PHTF2: variants seen among roughly 807,000 people sequenced by gnomAD.
PHTF2 encodes protein PHTF2.
PHTF2 carries 60 observed loss-of-function variants against 101.2 expected under a neutral mutation model. The observed-to-expected ratio is 0.59, with a 90% CI of 0.48 to 0.73. The LOEUF (loss-of-function observed/expected upper bound fraction) is 0.73. Ranked by LOEUF, PHTF2 falls within the 30% of genes least tolerant of loss-of-function variation. The pLI, the probability that PHTF2 is intolerant of heterozygous loss-of-function variation, is 0.00. For synonymous variants in PHTF2, 311 were observed against 307.3 expected (o/e 1.01, Z -0.13); for missense variants, 747 against 908.7 (o/e 0.82, Z 2.29).
At chr7:77,860,896 G>A (rs891598662) in intron 3 of PHTF2, among the ~76,000 whole-genome samples, 1 of 152,040 alleles carries the variant, frequency 6.6e-6, no homozygotes, top group Non-Finnish European at 1.5e-5. Context: ...TAGTGATGGG[G>A]TCTCACTCTG....
At chr7:77,899,276 G>A (rs1801161223) in intron 5 of PHTF2, among the ~76,000 whole-genome samples, 1 of 151,910 alleles carries the variant, frequency 6.6e-6, no homozygotes, top group East Asian at 1.9e-4. Flanking sequence ...ACTGTTTACA[G>A]TAATCAGAGC....
chr7:77,916,110 T>C (rs1802897284), intron 9 of PHTF2, among the ~76,000 whole-genome samples: 3 of 152,166 alleles, frequency 2.0e-5, no homozygotes, highest in Admixed American at 1.3e-4. Context: ...GTGATTTCAG[T>C]ATATATGTTT....
intron 6 of PHTF2, 87 bp from the exon 6 acceptor site, chr7:77,901,675 G>A (rs1036756623): frequency 6.3e-6 from 4 of 631,102 alleles, no homozygotes; most frequent in Non-Finnish European, 7.2e-6. Context: ...ATGTGGTGAT[G>A]TTTTTCAAAC....
At chr7:77,867,215 C>T (rs1469167757) in intron 3 of PHTF2, among the ~76,000 whole-genome samples, 1 of 152,126 alleles carries the variant, frequency 6.6e-6, no homozygotes. Context: ...AGATAGCCCA[C>T]AGAAGGTAAT....
intron 2 of PHTF2, among the ~76,000 whole-genome samples, chr7:77,854,471 A>G (rs1270549974): frequency 6.6e-6 from 1 of 152,054 alleles, no homozygotes; most frequent in Non-Finnish European, 1.5e-5. Context: ...ACATTCACTC[A>G]AGGCCCAAGA....
intron 1 of PHTF2, among the ~76,000 whole-genome samples, chr7:77,822,495 C>T (rs10248334): frequency 0.58 from 87,892 of 152,020 alleles, 27,524 homozygotes; most frequent in African/African-American, 0.83. Context: ...TCTGGGGCAG[C>T]GCAGCTGCAT....
intron 3 of PHTF2, among the ~76,000 whole-genome samples, 178 bp from the exon 3 acceptor site, chr7:77,893,430 T>C (rs1377127528): frequency 6.6e-6 from 1 of 152,164 alleles, no homozygotes; most frequent in Non-Finnish European, 1.5e-5. Context: ...GTACTACTGG[T>C]CCTGAAATCA....
intron 2 of PHTF2, among the ~76,000 whole-genome samples, chr7:77,849,952 C>T (rs1041124461): frequency 6.6e-6 from 1 of 152,138 alleles, no homozygotes; most frequent in East Asian, 1.9e-4. Context: ...CATCTGTAAA[C>T]AAGGATAATT....
At chr7:77,874,583 CA>C (rs999998177) in intron 3 of PHTF2, among the ~76,000 whole-genome samples, 1 of 152,114 alleles carries the variant, frequency 6.6e-6, no homozygotes, top group Admixed American at 6.6e-5. Flanking sequence ...GAAGCTAGGC[CA>C]GTCTCTCTAT....
intron 6 of PHTF2, among the ~76,000 whole-genome samples, chr7:77,901,380 T>G (rs1801375264): frequency 6.6e-6 from 1 of 152,136 alleles, no homozygotes; most frequent in Admixed American, 6.5e-5. Flanking sequence ...CCCAGCACTT[T>G]GGGAAGCTGA....
intron 19 of PHTF2, among the ~76,000 whole-genome samples, 191 bp from the exon 19 acceptor site, chr7:77,954,667 A>G (rs1047615209): frequency 1.4e-5 from 2 of 139,630 alleles, no homozygotes; most frequent in Admixed American, 1.4e-4. Flanking sequence ...AAGAGAAAGC[A>G]ATAGAAATCT....
chr7:77,936,375 T>G (rs1369849518), intron 12 of PHTF2, among the ~76,000 whole-genome samples: 1 of 152,154 alleles, frequency 6.6e-6, no homozygotes. Context: ...AAACTATTGT[T>G]TTTAGAAAAT....
At chr7:77,947,179 A>G (rs1383385466) in intron 16 of PHTF2, among the ~76,000 whole-genome samples, 1 of 152,054 alleles carries the variant, frequency 6.6e-6, no homozygotes, top group Non-Finnish European at 1.5e-5. Flanking sequence ...AACAACAACA[A>G]CAAAAGATTC....
At chr7:77,873,096 T>C (rs1190209082) in intron 3 of PHTF2, among the ~76,000 whole-genome samples, 1 of 152,082 alleles carries the variant, frequency 6.6e-6, no homozygotes, top group African/African-American at 2.4e-5. Flanking sequence ...GCCTGGCTAA[T>C]TTTTTGTATT....
At chr7:77,854,077 C>T (rs920843509) in intron 2 of PHTF2, among the ~76,000 whole-genome samples, 7 of 152,132 alleles carry the variant, frequency 4.6e-5, no homozygotes, top group African/African-American at 1.7e-4. Context: ...TGTACCTATC[C>T]TTCTTGGGAA....
chr7:77,844,941 C>T (rs1399246726), intron 2 of PHTF2, among the ~76,000 whole-genome samples: 2 of 152,154 alleles, frequency 1.3e-5, no homozygotes, highest in East Asian at 1.9e-4. Context: ...TTTTAAAATT[C>T]CTGTTGGTCC....
At chr7:77,824,215 A>G (rs1330048947) in intron 1 of PHTF2, among the ~76,000 whole-genome samples, 1 of 151,426 alleles carries the variant, frequency 6.6e-6, no homozygotes, top group Non-Finnish European at 1.5e-5. Flanking sequence ...AATTGAGCAG[A>G]TAGTAAAAGA....
chr7:77,846,342 G>A (rs1217975074), intron 2 of PHTF2, among the ~76,000 whole-genome samples: 7 of 152,142 alleles, frequency 4.6e-5, no homozygotes, highest in African/African-American at 1.7e-4. Flanking sequence ...GAGAAATGAA[G>A]CCTTCTGGGA....
intron 16 of PHTF2, among the ~76,000 whole-genome samples, chr7:77,949,347 GATAAAC>G (rs1336283575): frequency 2.0e-5 from 3 of 151,764 alleles, no homozygotes; most frequent in Non-Finnish European, 4.4e-5. Flanking sequence ...TTATGGAAAA[GATAAAC>G]ATAAAATTCA....
Sources: allele counts gnomAD v4.1 joint callset (sites outside exome capture counted in the v4.1 genomes callset), GRCh38; gene constraint gnomAD v4.1.1; transcripts MANE v1.5; gene names NCBI Gene and HGNC (gene_info 2026-07-23, HGNC 2026-07-21).